Variants in SLIT1 observed in about 807,000 individuals in gnomAD.
SLIT1 encodes the protein slit guidance ligand 1.
A neutral mutation model predicts 186.1 loss-of-function variants in SLIT1; 66 were observed. The ratio of observed to expected loss-of-function variants is 0.35; its 90% CI spans 0.29 to 0.44. SLIT1 has a LOEUF of 0.44. Ranked by LOEUF, SLIT1 falls within the 20% of genes least tolerant of loss-of-function variation. SLIT1 has a pLI of 1.00. For missense variants in SLIT1, 1,638 were observed against 2,037.4 expected, an observed-to-expected ratio of 0.80 and a Z score of 3.77; for synonymous variants, 761 against 833.8, an observed-to-expected ratio of 0.91 and a Z score of 1.50.
At chr10:97,019,140 A>C in intron 26 of SLIT1, 33 bp from the exon 27 acceptor site, 13 of 666,172 alleles carry the variant, frequency 2.0e-5, no homozygotes, top group Non-Finnish European at 3.5e-5. Flanking sequence ...GTGCAGGGGG[A>C]GGGGTGGGCA....
chr10:97,008,460 C>T (rs902735306), intron 31 of SLIT1, among the ~76,000 whole-genome samples: 4 of 152,062 alleles, frequency 2.6e-5, no homozygotes, highest in Non-Finnish European at 4.4e-5. Context: ...TTTGGGAGGC[C>T]GAGGTGGGTG....
At chr10:97,080,048 A>C (rs544695396) in intron 4 of SLIT1, among the ~76,000 whole-genome samples, 50 of 152,246 alleles carry the variant, frequency 3.3e-4, no homozygotes, top group Admixed American at 3.9e-4. Flanking sequence ...AGAAGTAAAA[A>C]GAATAAAGAC....
chr10:97,183,104 A>G (rs772201882), intron 1 of SLIT1, among the ~76,000 whole-genome samples: 2 of 151,960 alleles, frequency 1.3e-5, no homozygotes, highest in Non-Finnish European at 2.9e-5. Flanking sequence ...ATCCAAACCA[A>G]CCTTGATAAA....
At chr10:97,107,666 G>A (rs947190679) in intron 4 of SLIT1, among the ~76,000 whole-genome samples, 1 of 152,216 alleles carries the variant, frequency 6.6e-6, no homozygotes, top group Admixed American at 6.5e-5. Flanking sequence ...CTTCCCCAAA[G>A]GTCCGGCTGG....
At chr10:97,027,650 C>T (rs753736155) in intron 25 of SLIT1, among the ~76,000 whole-genome samples, 1 of 152,238 alleles carries the variant, frequency 6.6e-6, no homozygotes, top group Non-Finnish European at 1.5e-5. Flanking sequence ...GATCTGGCTT[C>T]TGGCCTGATA....
intron 18 of SLIT1, among the ~76,000 whole-genome samples, chr10:97,044,497 A>G (rs927659927): frequency 6.6e-6 from 1 of 152,222 alleles, no homozygotes; most frequent in Admixed American, 6.5e-5. Context: ...TAGCCAACTC[A>G]CAAAAGAAAT....
At chr10:97,181,903 T>C (rs1179749789) in intron 1 of SLIT1, among the ~76,000 whole-genome samples, 1 of 151,922 alleles carries the variant, frequency 6.6e-6, no homozygotes, top group Non-Finnish European at 1.5e-5. Flanking sequence ...CCTGTCACAC[T>C]CTCCTGGACA....
At chr10:97,176,317 C>T (rs533373669) in intron 1 of SLIT1, among the ~76,000 whole-genome samples, 10 of 152,110 alleles carry the variant, frequency 6.6e-5, no homozygotes, top group African/African-American at 2.2e-4. Context: ...CTCTAAGCCA[C>T]GACCACGACC....
At chr10:97,108,125 A>G (rs1168038322) in intron 4 of SLIT1, among the ~76,000 whole-genome samples, 1 of 151,912 alleles carries the variant, frequency 6.6e-6, no homozygotes, top group Non-Finnish European at 1.5e-5. Flanking sequence ...GACCCCTACC[A>G]TCCTCCTCCT....
chr10:97,037,939 G>A (rs923871762), intron 21 of SLIT1, among the ~76,000 whole-genome samples, 173 bp from the exon 22 acceptor site: 7 of 152,088 alleles, frequency 4.6e-5, no homozygotes, highest in Non-Finnish European at 8.8e-5. Context: ...CGTTGTTGAA[G>A]CCATCTGGGG....
At chr10:97,078,472 C>T (rs897385615) in intron 4 of SLIT1, among the ~76,000 whole-genome samples, 6 of 152,190 alleles carry the variant, frequency 3.9e-5, no homozygotes, top group African/African-American at 1.4e-4. Flanking sequence ...TTCCTTGAAC[C>T]CGGCTGTTTG....
At chr10:97,141,959 C>A (rs1321187877) in intron 4 of SLIT1, among the ~76,000 whole-genome samples, 2 of 152,006 alleles carry the variant, frequency 1.3e-5, no homozygotes, top group Non-Finnish European at 2.9e-5. Flanking sequence ...ACCACCACAC[C>A]CAGCGAATTT....
chr10:97,088,157 T>C (rs539226214), intron 4 of SLIT1, among the ~76,000 whole-genome samples: 3 of 152,148 alleles, frequency 2.0e-5, no homozygotes, highest in Non-Finnish European at 4.4e-5. Flanking sequence ...AGCCTGGGCT[T>C]TGGGATTTTT....
At chr10:97,119,818 A>G (rs1849542370) in intron 4 of SLIT1, among the ~76,000 whole-genome samples, 3 of 150,444 alleles carry the variant, frequency 2.0e-5, no homozygotes, top group African/African-American at 4.9e-5. Flanking sequence ...AATATGCCCA[A>G]TGTTGGCAGA....
At chr10:97,119,421 G>A (rs1030970991) in intron 4 of SLIT1, among the ~76,000 whole-genome samples, 1 of 152,202 alleles carries the variant, frequency 6.6e-6, no homozygotes, top group Non-Finnish European at 1.5e-5. Flanking sequence ...ATTTGATGCA[G>A]GAACCAAGCA....
At chr10:97,062,940 G>T (rs1469537574) in intron 8 of SLIT1, among the ~76,000 whole-genome samples, 2 of 152,240 alleles carry the variant, frequency 1.3e-5, no homozygotes, top group Non-Finnish European at 2.9e-5. Flanking sequence ...AAGGGTGTGG[G>T]CTTTGAGGCC....
rs1326863200 is a variant in SLIT1, at chr10:97,001,307, G to A, written c.4410C>T (p.Val1470=). 3.7e-6 allele frequency: 6 copies of A among 1,613,220 alleles called. No individual in the cohort carries two copies. The highest frequency in any genetic ancestry group is 3.3e-5 in the Admixed American group (2 of 60,024). The change falls in exon 37 of 37, where the codon GTC becomes GTT. Residue 1470 remains valine, a synonymous_variant. Transcript: ENST00000266058. ...RGDPVRDFHQ[V]QRGYAICQTT... is the part of the protein sequence containing the mutation. ...TCTGGCAGATGGCATAGCCCCTCTG[G>A]ACCTGGTGAAAGTCCCGGACAGGGT... is the stretch of plus-strand genomic sequence containing the variant.
intron 4 of SLIT1, chr10:97,157,429 G>A: frequency 4.7e-6 from 1 of 212,064 alleles, no homozygotes; most frequent in South Asian, 1.7e-4. Context: ...GGTTCAAGAA[G>A]GGCTTAGTTG....
chr10:97,182,971 GAA>G (rs11410736), intron 1 of SLIT1, among the ~76,000 whole-genome samples: 2 of 143,160 alleles, frequency 1.4e-5, no homozygotes, highest in African/African-American at 2.6e-5. Context: ...TACAAAAAAG[GAA>G]AAAAAAAAAA....
Sources: allele counts gnomAD v4.1 joint callset (sites outside exome capture counted in the v4.1 genomes callset), GRCh38; gene constraint gnomAD v4.1.1; transcripts MANE v1.5; gene names NCBI Gene and HGNC (gene_info 2026-07-23, HGNC 2026-07-21).